WASHC2C: variants seen among roughly 807,000 people sequenced by gnomAD.
WASHC2C encodes the protein Vaccinia Penetration Factor.
In WASHC2C, 73 loss-of-function variants were observed where a neutral mutation model predicts 142.2. That is an observed-to-expected ratio of 0.51 (90% CI 0.43 to 0.62). The LOEUF is 0.62. WASHC2C is among the 20% of genes least tolerant of loss of function. The pLI is 0.00. For missense variants in WASHC2C, 969 were observed against 1,531.7 expected (o/e 0.63, Z 6.13); for synonymous variants, 337 against 565.5 (o/e 0.60, Z 5.73).
At chr10:45,763,629 T>C (rs1554881000) in intron 18 of WASHC2C, 140 bp downstream of exon 18, 5 of 657,736 alleles carry the variant, frequency 7.6e-6, no homozygotes, top group South Asian at 3.9e-5. Context: ...ATAACAAAAA[T>C]ATTTCTGTTT....
intron 23 of WASHC2C, among the ~76,000 whole-genome samples, chr10:45,780,992 G>T (rs369439457): frequency 0.023 from 3,410 of 151,466 alleles, 87 homozygotes; most frequent in African/African-American, 0.074. Flanking sequence ...GACCTCAGGT[G>T]ATCCACCTGC....
intron 16 of WASHC2C, among the ~76,000 whole-genome samples, chr10:45,757,893 C>G (rs1317996456): frequency 6.6e-6 from 1 of 152,252 alleles, no homozygotes; most frequent in African/African-American, 2.4e-5. Context: ...CGGCTTCTAA[C>G]AGGCCATGGA....
chr10:45,766,088 C>T (rs1161077538), intron 19 of WASHC2C, among the ~76,000 whole-genome samples: 3 of 152,098 alleles, frequency 2.0e-5, no homozygotes, highest in African/African-American at 7.2e-5. Flanking sequence ...GATTTCTCAG[C>T]CATCGCTAGT....
chr10:45,733,816 T>G (rs1454294708), intron 3 of WASHC2C, among the ~76,000 whole-genome samples: 8 of 152,092 alleles, frequency 5.3e-5, no homozygotes, highest in Non-Finnish European at 1.2e-4. Flanking sequence ...ATAGAGCAAT[T>G]AGGAAAAGTA....
chr10:45,757,960 A>AT (rs1288120992), intron 16 of WASHC2C, among the ~76,000 whole-genome samples: 35 of 149,946 alleles, frequency 2.3e-4, no homozygotes, highest in South Asian at 2.1e-4. Flanking sequence ...TTATGTTTTG[A>AT]TTTTTTTTTT....
intron 20 of WASHC2C, among the ~76,000 whole-genome samples, chr10:45,771,923 AGTT>A (rs1400465405): frequency 2.6e-4 from 39 of 152,308 alleles, no homozygotes; most frequent in Admixed American, 2.2e-3. Flanking sequence ...AAATGAAATT[AGTT>A]GTTCATATAA....
intron 23 of WASHC2C, among the ~76,000 whole-genome samples, chr10:45,783,622 G>A (rs1412877275): frequency 3.3e-5 from 5 of 151,962 alleles, no homozygotes; most frequent in Non-Finnish European, 7.4e-5. Flanking sequence ...CACCACACCC[G>A]GCTGATCTTT....
chr10:45,764,228 AT>A (rs2055500885), intron 18 of WASHC2C, among the ~76,000 whole-genome samples: 2 of 149,962 alleles, frequency 1.3e-5, no homozygotes, highest in Admixed American at 1.3e-4. Flanking sequence ...TATAAATAGT[AT>A]AATATCTATT....
chr10:45,790,327 T>A, intron 29 of WASHC2C, 29 bp from the exon 30 acceptor site: 1 of 1,609,598 alleles, frequency 6.2e-7, no homozygotes, highest in Non-Finnish European at 8.5e-7. Context: ...GATTTAACAT[T>A]GTTTTGTATG....
chr10:45,773,778 C>T (rs2596950), intron 21 of WASHC2C, among the ~76,000 whole-genome samples: 2 of 151,740 alleles, frequency 1.3e-5, no homozygotes, highest in East Asian at 1.9e-4. Context: ...CGTTATACTC[C>T]ATCAGTGGAG....
intron 16 of WASHC2C, among the ~76,000 whole-genome samples, chr10:45,757,861 C>A (rs1271729331): frequency 2.1e-4 from 32 of 152,338 alleles, no homozygotes; most frequent in African/African-American, 7.5e-4. Flanking sequence ...TTGCTGCTCA[C>A]CTCACCTCCT....
chr10:45,789,563 T>C, intron 29 of WASHC2C, 72 bp downstream of exon 29: 1 of 1,595,016 alleles, frequency 6.3e-7, no homozygotes, highest in Non-Finnish European at 8.6e-7. Context: ...ATTTGAGCCA[T>C]AGATTATGTC....
intron 20 of WASHC2C, among the ~76,000 whole-genome samples, chr10:45,771,288 C>G (rs2056556238): frequency 1.4e-5 from 2 of 147,876 alleles, no homozygotes; most frequent in Admixed American, 6.9e-5. Flanking sequence ...TTGCTTGAAC[C>G]TGGGAGGCAG....
chr10:45,742,345 G>A (rs1387156212), intron 5 of WASHC2C, among the ~76,000 whole-genome samples: 4 of 152,212 alleles, frequency 2.6e-5, no homozygotes, highest in Admixed American at 6.5e-5. Context: ...TCGGAGTTTC[G>A]CTCTTGTTGC....
chr10:45,781,005 T>C (rs1269035478), intron 23 of WASHC2C, among the ~76,000 whole-genome samples: 1 of 151,554 alleles, frequency 6.6e-6, no homozygotes, highest in East Asian at 1.9e-4. Context: ...CCACCTGCCT[T>C]AGCCTCCCGA....
intron 28 of WASHC2C, among the ~76,000 whole-genome samples, chr10:45,787,928 A>C (rs576056743): frequency 6.6e-6 from 1 of 152,130 alleles, no homozygotes; most frequent in Non-Finnish European, 1.5e-5. Flanking sequence ...TTTTCCTTTC[A>C]TTGTAGTTGG....
At chr10:45,786,391 A>G in intron 26 of WASHC2C, 1 of 655,400 alleles carries the variant, frequency 1.5e-6, no homozygotes, top group South Asian at 1.8e-5. Flanking sequence ...CCTTGACTCC[A>G]TATCTGATCT....
chr10:45,757,815 C>T (rs2054499716), intron 16 of WASHC2C, among the ~76,000 whole-genome samples: 1 of 152,248 alleles, frequency 6.6e-6, no homozygotes, highest in Non-Finnish European at 1.5e-5. Flanking sequence ...GATGCTGCCA[C>T]TGATCTGACA....
chr10:45,744,645 C>A (rs1221350363), intron 6 of WASHC2C, among the ~76,000 whole-genome samples, 176 bp from the exon 7 acceptor site: 2 of 151,590 alleles, frequency 1.3e-5, no homozygotes, highest in Non-Finnish European at 2.9e-5. Flanking sequence ...AGAGATACTT[C>A]AAGACTACAT....
Sources: gnomAD v4.1 joint callset for allele counts (sites outside exome capture counted in the v4.1 genomes callset) on GRCh38, gnomAD v4.1.1 for gene constraint, MANE v1.5 for transcripts, NCBI Gene and HGNC (gene_info 2026-07-23, HGNC 2026-07-21) for gene names.